Variants in TNS3 observed in about 807,000 individuals in gnomAD.
TNS3 encodes tensin-3.
A neutral mutation model predicts 140.9 loss-of-function variants in TNS3; 45 were observed. That is an observed-to-expected ratio of 0.32 (90% CI 0.25 to 0.41). The LOEUF (loss-of-function observed/expected upper bound fraction) is 0.41. Among genes scored for constraint, TNS3 ranks in the 10% least tolerant of loss-of-function variants. TNS3 has a pLI of 1.00. For synonymous variants in TNS3, 815 were observed against 788.4 expected (o/e 1.03, Z -0.56); for missense variants, 1,716 against 1,906.7 (o/e 0.90, Z 1.86).
intron 16 of TNS3, among the ~76,000 whole-genome samples, chr7:47,378,436 A>C (rs879459172): frequency 3.3e-5 from 5 of 152,184 alleles, no homozygotes; most frequent in African/African-American, 1.2e-4. Flanking sequence ...ATATGACTGA[A>C]ATTGTCCCAG....
chr7:47,303,635 C>A, intron 21 of TNS3, 51 bp from the exon 22 acceptor site: 1 of 1,504,730 alleles, frequency 6.6e-7, no homozygotes, highest in Non-Finnish European at 8.9e-7. Flanking sequence ...CAAAGAGACA[C>A]CTGAAGACCA....
At chr7:47,342,380 G>A (rs542610628) in intron 20 of TNS3, among the ~76,000 whole-genome samples, 46 of 152,284 alleles carry the variant, frequency 3.0e-4, no homozygotes, top group African/African-American at 3.1e-4. Context: ...TAAATGATAC[G>A]CAGTTAAGCA....
intron 2 of TNS3, among the ~76,000 whole-genome samples, chr7:47,527,896 G>T (rs1799256040): frequency 6.7e-6 from 1 of 149,416 alleles, no homozygotes; most frequent in South Asian, 2.1e-4. Context: ...GACAGAGCGA[G>T]ACCCTGTCTC....
intron 3 of TNS3, 127 bp from the exon 4 acceptor site, chr7:47,481,268 G>T: frequency 1.5e-6 from 1 of 655,736 alleles, no homozygotes; most frequent in Non-Finnish European, 2.4e-6. Flanking sequence ...CAAAGCTGTA[G>T]CAGATCAAGA....
At chr7:47,347,180 G>A (rs1789392317) in intron 17 of TNS3, among the ~76,000 whole-genome samples, 1 of 152,160 alleles carries the variant, frequency 6.6e-6, no homozygotes, top group Non-Finnish European at 1.5e-5. Context: ...TAAATACATA[G>A]TCCCTGTAAG....
intron 4 of TNS3, among the ~76,000 whole-genome samples, chr7:47,465,463 A>G (rs1469610823): frequency 6.6e-6 from 1 of 152,196 alleles, no homozygotes; most frequent in Non-Finnish European, 1.5e-5. Flanking sequence ...GCCCCTGTGA[A>G]GTAGAGACAC....
chr7:47,453,317 G>A (rs1373728417), intron 4 of TNS3: 9 of 934,894 alleles, frequency 9.6e-6, no homozygotes, highest in Non-Finnish European at 1.1e-5. Context: ...AAGCTGAGTG[G>A]CTGTGCCTTC....
intron 5 of TNS3, among the ~76,000 whole-genome samples, chr7:47,441,785 A>C (rs143441552): frequency 6.6e-6 from 1 of 152,208 alleles, no homozygotes; most frequent in African/African-American, 2.4e-5. Context: ...ATTCAAAGAC[A>C]ATCACAGGTG....
Position 47,303,390 on chromosome 7 carries a change from T to C in TNS3, c.3017A>G (p.Glu1006Gly). The C allele has an allele frequency of 6.2e-7, 1 of 1,613,830 alleles. No individual in the cohort carries two copies. Among genetic ancestry groups the C allele is most frequent in the African/African-American group, 1.3e-5 (1 of 75,044 alleles). ...GGGAGGCGCCAGGGAGTCCGGTGGC[T>C]CTGCTAGGGACAGCTCATGGCTGTG... ...PFHSHELSLAEPPDSLAPPSS... is the reference protein window; with the variant it reads ...PFHSHELSLAGPPDSLAPPSS... Residue 1006 changes from glutamate (E) to glycine (G), a missense_variant, in exon 22 of 31, where the codon GAG becomes GGG. This residue lies in a region of TNS3 where 1,163 missense variants were observed against 1,182.1 expected (regional missense o/e 0.98). Coordinates refer to ENST00000311160, the MANE Select transcript of TNS3 (RefSeq NM_022748.12).
At chr7:47,363,461 G>T (rs1267216270) in intron 17 of TNS3, among the ~76,000 whole-genome samples, 2 of 152,196 alleles carry the variant, frequency 1.3e-5, no homozygotes, top group Non-Finnish European at 2.9e-5. Context: ...AAGTCCCCCG[G>T]AGGAGCACAG....
Position 47,304,887 on chromosome 7 carries a change from C to G in TNS3, c.2767G>C (p.Ala923Pro). The G allele has an allele frequency of 7.1e-7, 1 of 1,414,138 alleles. No homozygotes were observed. Among genetic ancestry groups the G allele is most frequent in the Non-Finnish European group, 9.3e-7 (1 of 1,071,620 alleles). The allele number at this position is 1,414,138 out of a possible 1,614,324, so 87.6% of individuals were successfully genotyped here. The change falls in exon 21 of 31, where the codon GCT (alanine) becomes CCT (proline). Residue 923 changes from alanine (A) to proline (P), a missense_variant. Physicochemically the swap from Ala to Pro is conservative, Grantham distance 27. Transcript: ENST00000311160. Reference protein sequence around the residue: ...DASSTPSFQQAFASSCTISSN... With the variant: ...DASSTPSFQQPFASSCTISSN... ...GAAATGGTGCAGGAAGAAGCAAAAGCCTGCTGAAAGGAGGGCGTCGAGGAC... is the reference window on the plus strand; with the variant it reads ...GAAATGGTGCAGGAAGAAGCAAAAGGCTGCTGAAAGGAGGGCGTCGAGGAC...
chr7:47,284,608 A>T (rs1015292087), intron 27 of TNS3, among the ~76,000 whole-genome samples: 4 of 152,210 alleles, frequency 2.6e-5, no homozygotes, highest in African/African-American at 9.6e-5. Context: ...CAAGACATCC[A>T]GCCTTAGCCT....
intron 17 of TNS3, among the ~76,000 whole-genome samples, chr7:47,366,306 T>C (rs1790695129): frequency 6.6e-6 from 1 of 152,170 alleles, no homozygotes; most frequent in Non-Finnish European, 1.5e-5. Flanking sequence ...AATCTACTCA[T>C]GGGGGACTCT....
intron 30 of TNS3, 132 bp downstream of exon 30, chr7:47,280,032 C>CT: frequency 8.9e-7 from 1 of 1,119,414 alleles, no homozygotes; most frequent in Non-Finnish European, 1.3e-6. Flanking sequence ...TTACTTTTTT[C>CT]TTTTTTAAAA....
chr7:47,470,516 C>A (rs1201233094), intron 4 of TNS3: 21 of 985,350 alleles, frequency 2.1e-5, no homozygotes, highest in Non-Finnish European at 2.5e-5. Context: ...ACACTGCTTA[C>A]AGGTGAGTCC....
At chr7:47,451,124 A>G (rs549516222) in intron 4 of TNS3, among the ~76,000 whole-genome samples, 1 of 152,160 alleles carries the variant, frequency 6.6e-6, no homozygotes, top group Non-Finnish European at 1.5e-5. Context: ...GCTGTCTAAA[A>G]AATAAGAAAA....
intron 1 of TNS3, among the ~76,000 whole-genome samples, chr7:47,574,651 C>CCCA (rs1562864672): frequency 1.3e-4 from 18 of 136,948 alleles, no homozygotes; most frequent in African/African-American, 4.4e-4. Flanking sequence ...ACACACACCC[C>CCCA]CACACACACG....
chr7:47,425,760 T>G (rs985713608), intron 9 of TNS3, among the ~76,000 whole-genome samples: 1 of 152,210 alleles, frequency 6.6e-6, no homozygotes, highest in Non-Finnish European at 1.5e-5. Flanking sequence ...ATAATATTAG[T>G]ACTGGTTTTG....
intron 20 of TNS3, among the ~76,000 whole-genome samples, chr7:47,344,063 G>A (rs1789174947): frequency 6.6e-6 from 1 of 152,160 alleles, no homozygotes; most frequent in African/African-American, 2.4e-5. Context: ...GCAGCGTAAT[G>A]AACGAAACTC....
Sources: allele counts gnomAD v4.1 joint callset (sites outside exome capture counted in the v4.1 genomes callset), GRCh38; gene constraint gnomAD v4.1.1; regional missense constraint gnomAD v4.1.1; transcripts MANE v1.5; gene names NCBI Gene and HGNC (gene_info 2026-07-23, HGNC 2026-07-21).